GRID1: variants seen among roughly 807,000 people sequenced by gnomAD.
GRID1 encodes the protein glutamate receptor ionotropic, delta-1.
A neutral mutation model predicts 98.0 loss-of-function variants in GRID1; 28 were observed. That is an observed-to-expected ratio of 0.29 (90% CI 0.21 to 0.39). The LOEUF (loss-of-function observed/expected upper bound fraction) is 0.39, where lower values mean the gene tolerates loss of function less well. Among genes scored for constraint, GRID1 ranks in the 10% least tolerant of loss-of-function variants. The pLI, the probability that GRID1 is intolerant of heterozygous loss-of-function variation, is 1.00. For missense variants in GRID1, 1,111 were observed against 1,340.5 expected (o/e 0.83, Z 2.67); for synonymous variants, 553 against 538.5 (o/e 1.03, Z -0.37).
chr10:86,346,123 A>G (rs1423241694), intron 2 of GRID1, among the ~76,000 whole-genome samples: 3 of 152,082 alleles, frequency 2.0e-5, no homozygotes, highest in Non-Finnish European at 4.4e-5. Context: ...TCCCTGCCAC[A>G]CCCAGCTAGT....
At chr10:85,625,361 T>C (rs1213065137) in intron 13 of GRID1, among the ~76,000 whole-genome samples, 3 of 152,238 alleles carry the variant, frequency 2.0e-5, no homozygotes, top group African/African-American at 7.2e-5. Context: ...GGCTCCCTGA[T>C]AATACCCAAG....
intron 8 of GRID1, among the ~76,000 whole-genome samples, chr10:85,790,697 G>A (rs1842470628): frequency 6.6e-6 from 1 of 152,142 alleles, no homozygotes; most frequent in Non-Finnish European, 1.5e-5. Flanking sequence ...GTCTGGGTCA[G>A]GTGCATATGA....
At chr10:85,863,871 ATTG>A (rs1352342289) in intron 6 of GRID1, among the ~76,000 whole-genome samples, 8 of 152,178 alleles carry the variant, frequency 5.3e-5, no homozygotes, top group Non-Finnish European at 8.8e-5. Flanking sequence ...GGCCCAGGGA[ATTG>A]TTGTGCATCC....
intron 4 of GRID1, among the ~76,000 whole-genome samples, chr10:86,061,516 A>T (rs113916927): frequency 6.6e-6 from 1 of 152,084 alleles, no homozygotes; most frequent in East Asian, 1.9e-4. Flanking sequence ...CCAGGTTCCT[A>T]TTCCTCAAAG....
At chr10:85,831,735 T>C (rs1842868962) in intron 8 of GRID1, among the ~76,000 whole-genome samples, 1 of 152,082 alleles carries the variant, frequency 6.6e-6, no homozygotes, top group Non-Finnish European at 1.5e-5. Context: ...AACAATTTTG[T>C]TTAGTAAATG....
At chr10:85,809,272 ATTG>A (rs1249131072) in intron 8 of GRID1, among the ~76,000 whole-genome samples, 3 of 152,182 alleles carry the variant, frequency 2.0e-5, no homozygotes, top group African/African-American at 7.2e-5. Context: ...TAAATGTTTA[ATTG>A]TTGTCTCAAA....
rs557447603 is a variant in GRID1 at position 85,765,303 on chromosome 10, T to C, written c.1234-35689A>G. ...CAGAGGGAGATTTAGCTGCACGGGC[T>C]GGCTTAGGCCTCAAGACCCTCCTGT... On this transcript the variant is annotated intron_variant, in intron 8 of 15. Transcript: ENST00000327946. 2.6e-5 allele frequency among the ~76,000 whole-genome samples: 4 copies of C among 152,322 alleles called. No homozygotes were observed. The East Asian group carries it at 7.7e-4, about 29-fold the overall frequency.
At chr10:86,138,700 C>T (rs1589384630) in intron 4 of GRID1, 119 bp downstream of exon 4, 12 of 739,326 alleles carry the variant, frequency 1.6e-5, no homozygotes, top group South Asian at 1.0e-4. Context: ...CGAGCACCTA[C>T]GGGTCTCCAT....
intron 8 of GRID1, among the ~76,000 whole-genome samples, chr10:85,786,498 C>T (rs1251797672): frequency 6.6e-6 from 1 of 152,172 alleles, no homozygotes; most frequent in African/African-American, 2.4e-5. Context: ...CACAGGGCAG[C>T]AGGGTGCCTC....
At chr10:86,133,483 C>A (rs150045457) in intron 4 of GRID1, among the ~76,000 whole-genome samples, 134 of 152,322 alleles carry the variant, frequency 8.8e-4, no homozygotes, top group Non-Finnish European at 2.9e-4. Context: ...GCAGCCCTGG[C>A]CTCATTTGCT....
intron 14 of GRID1, among the ~76,000 whole-genome samples, chr10:85,619,160 TG>T (rs1842827871): frequency 1.3e-5 from 2 of 152,304 alleles, no homozygotes; most frequent in South Asian, 4.1e-4. Context: ...TTAGACACCT[TG>T]GCGACAGGAG....
At chr10:85,973,924 T>G (rs909515194) in intron 4 of GRID1, among the ~76,000 whole-genome samples, 1 of 152,178 alleles carries the variant, frequency 6.6e-6, no homozygotes, top group African/African-American at 2.4e-5. Context: ...TGCTGCTAAG[T>G]GGCAAACAAC....
chr10:86,015,049 C>A (rs940126408), intron 4 of GRID1, among the ~76,000 whole-genome samples: 8 of 152,198 alleles, frequency 5.3e-5, no homozygotes, highest in African/African-American at 1.7e-4. Flanking sequence ...AACATTGAGT[C>A]CCTCTCAACA....
At chr10:85,833,856 C>G (rs1470527848) in intron 8 of GRID1, among the ~76,000 whole-genome samples, 1 of 152,108 alleles carries the variant, frequency 6.6e-6, no homozygotes. Context: ...TGGATGAAAT[C>G]AATCATAGTG....
At chr10:86,063,825 A>G (rs998400380) in intron 4 of GRID1, among the ~76,000 whole-genome samples, 1 of 152,136 alleles carries the variant, frequency 6.6e-6, no homozygotes, top group African/African-American at 2.4e-5. Context: ...GCCTGTTTTT[A>G]TAAATAAAGT....
intron 8 of GRID1, among the ~76,000 whole-genome samples, chr10:85,833,380 C>G (rs1015624869): frequency 6.6e-6 from 1 of 152,128 alleles, no homozygotes; most frequent in Non-Finnish European, 1.5e-5. Context: ...TCAGAGGAAG[C>G]CCCAACAGCA....
intron 8 of GRID1, among the ~76,000 whole-genome samples, chr10:85,811,716 G>A (rs544297337): frequency 1.8e-4 from 27 of 152,282 alleles, no homozygotes; most frequent in African/African-American, 6.0e-4. Flanking sequence ...AAACCATTAA[G>A]TGAATAACTA....
intron 4 of GRID1, among the ~76,000 whole-genome samples, chr10:86,100,986 T>C (rs1014114979): frequency 5.3e-5 from 8 of 152,070 alleles, no homozygotes; most frequent in Admixed American, 2.0e-4. Context: ...CATTAAATGG[T>C]CACTGGTGAC....
At chr10:86,118,034 CA>C (rs1844610565) in intron 4 of GRID1, among the ~76,000 whole-genome samples, 1 of 152,074 alleles carries the variant, frequency 6.6e-6, no homozygotes, top group South Asian at 2.1e-4. Flanking sequence ...TTTGCAATTT[CA>C]AAAATATGGA....
Sources: gnomAD v4.1 joint callset for allele counts (sites outside exome capture counted in the v4.1 genomes callset) on GRCh38, gnomAD v4.1.1 for gene constraint, MANE v1.5 for transcripts, NCBI Gene and HGNC (gene_info 2026-07-23, HGNC 2026-07-21) for gene names.